TMPRSS15: variants seen among roughly 807,000 people sequenced by gnomAD.
TMPRSS15 encodes enteropeptidase.
TMPRSS15 carries 128 observed loss-of-function variants against 125.3 expected under a neutral mutation model. The ratio of observed to expected loss-of-function variants is 1.02; its 90% CI spans 0.89 to 1.18. The LOEUF (loss-of-function observed/expected upper bound fraction) is 1.18, where lower values mean the gene tolerates loss of function less well. TMPRSS15 is among the 50% of genes most tolerant of loss of function. The pLI is 0.00. For synonymous variants in TMPRSS15, 446 were observed against 423.2 expected (o/e 1.05, Z -0.66); for missense variants, 1,283 against 1,212.7 (o/e 1.06, Z -0.86).
At chr21:18,411,218 T>A (rs2076165150) in intron 1 of TMPRSS15, among the ~76,000 whole-genome samples, 1 of 152,122 alleles carries the variant, frequency 6.6e-6, no homozygotes, top group Non-Finnish European at 1.5e-5. Flanking sequence ...TACTAAAAAG[T>A]GTATTTGCCA....
At chr21:18,310,806 T>C (rs1045393653) in intron 18 of TMPRSS15, among the ~76,000 whole-genome samples, 32 of 152,098 alleles carry the variant, frequency 2.1e-4, no homozygotes, top group Admixed American at 1.8e-3. Context: ...CTACCAGATT[T>C]CAAAATATTC....
At chr21:18,281,006 G>A in intron 22 of TMPRSS15, 34 bp downstream of exon 22, 1 of 1,601,758 alleles carries the variant, frequency 6.2e-7, no homozygotes, top group Non-Finnish European at 8.5e-7. Flanking sequence ...AATTTTGGCA[G>A]ATAAGATGAC....
At chr21:18,433,264 G>T (rs1008438892) in intron 1 of TMPRSS15, among the ~76,000 whole-genome samples, 3 of 152,074 alleles carry the variant, frequency 2.0e-5, no homozygotes, top group Non-Finnish European at 4.4e-5. Flanking sequence ...TGACTGATGA[G>T]AATAACTCAG....
rs539658517 is a variant in TMPRSS15 at position 18,345,688 on chromosome 21, C to T, written c.1172-1628G>A. Among the ~76,000 whole-genome samples the T allele has an allele frequency of 3.0e-3, 362 of 121,920 alleles. 1 individual carries two copies. Among genetic ancestry groups the T allele is most frequent in the South Asian group, 0.02 (65 of 3,286 alleles). 80.0% of individuals were successfully genotyped at this position (121,920 alleles called of 152,430 possible). On this transcript the variant is annotated intron_variant, in intron 10 of 24. Coordinates refer to ENST00000284885, the MANE Select transcript of TMPRSS15 (RefSeq NM_002772.3). Reference sequence around the variant, plus strand: ...CCCGGGAGGTGGAGCTTGCAGTGAGCCGAGGTCGTGCCACTGCACTCCAGC... The same window carrying T: ...CCCGGGAGGTGGAGCTTGCAGTGAGTCGAGGTCGTGCCACTGCACTCCAGC...
chr21:18,280,596 C>CAAAA (rs1246672347), intron 22 of TMPRSS15, among the ~76,000 whole-genome samples: 1 of 102,146 alleles, frequency 9.8e-6, no homozygotes, highest in South Asian at 2.7e-4. Flanking sequence ...AAAAAAAAAA[C>CAAAA]AACAAAACAA....
At chr21:18,370,185 AG>A (rs1431720886) in intron 6 of TMPRSS15, among the ~76,000 whole-genome samples, 1 of 152,094 alleles carries the variant, frequency 6.6e-6, no homozygotes, top group East Asian at 1.9e-4. Flanking sequence ...CTGAGTTTAG[AG>A]TGGCTCATAA....
chr21:18,345,512 C>T (rs566587617), intron 10 of TMPRSS15, among the ~76,000 whole-genome samples: 11 of 151,412 alleles, frequency 7.3e-5, no homozygotes, highest in African/African-American at 1.9e-4. Flanking sequence ...GAGGCCGAGG[C>T]GGGCGGATCA....
rs2075035345 is a variant in TMPRSS15, at chr21:18,306,038, A to G, written c.2165+6907T>C. 1.3e-5 allele frequency among the ~76,000 whole-genome samples: 2 copies of G among 152,214 alleles called. 1 individual carries two copies. The highest frequency in any genetic ancestry group is 1.3e-4 in the Admixed American group (2 of 15,276). Reference sequence around the variant, plus strand: ...AGTACCTTCTGTGCTGAAGTTGCAAATCAAAAAATTTTAAAAATGTAAAAT... The same window carrying G: ...AGTACCTTCTGTGCTGAAGTTGCAAGTCAAAAAATTTTAAAAATGTAAAAT... On this transcript the variant is annotated intron_variant, in intron 18 of 24. Transcript: ENST00000284885.
chr21:18,472,368 G>T (rs1376204773), intron 1 of TMPRSS15, among the ~76,000 whole-genome samples: 1 of 151,212 alleles, frequency 6.6e-6, no homozygotes, highest in Non-Finnish European at 1.5e-5. Flanking sequence ...TTAGCCTATG[G>T]GGTTCAATTC....
chr21:18,447,047 A>AT (rs1425239335), intron 1 of TMPRSS15, among the ~76,000 whole-genome samples: 2 of 152,210 alleles, frequency 1.3e-5, no homozygotes, highest in African/African-American at 4.8e-5. Context: ...TCTAGGGGTT[A>AT]ATATACAGCA....
intron 8 of TMPRSS15, among the ~76,000 whole-genome samples, chr21:18,354,830 TA>T (rs905010799): frequency 6.6e-5 from 10 of 151,776 alleles, no homozygotes; most frequent in African/African-American, 2.4e-4. Context: ...TTCAGGCCTA[TA>T]AAAAATACCA....
intron 1 of TMPRSS15, among the ~76,000 whole-genome samples, chr21:18,470,748 TG>T (rs1182034084): frequency 6.6e-6 from 1 of 151,866 alleles, no homozygotes; most frequent in African/African-American, 2.4e-5. Flanking sequence ...TATGAAAAAA[TG>T]GGAGATAGAG....
intron 1 of TMPRSS15, among the ~76,000 whole-genome samples, chr21:18,413,284 C>CTTTCT (rs2076171062): frequency 9.8e-6 from 1 of 101,664 alleles, no homozygotes; most frequent in Non-Finnish European, 1.9e-5. Flanking sequence ...TTTTCTTTTT[C>CTTTCT]TTTCTTTCTT....
intron 1 of TMPRSS15, among the ~76,000 whole-genome samples, chr21:18,455,846 G>A (rs987898344): frequency 2.0e-5 from 3 of 152,126 alleles, no homozygotes; most frequent in African/African-American, 7.2e-5. Flanking sequence ...TTGCGAGGAT[G>A]AAACCAAATC....
At chr21:18,392,838 G>T (rs2076001886) in intron 3 of TMPRSS15, among the ~76,000 whole-genome samples, 1 of 152,194 alleles carries the variant, frequency 6.6e-6, no homozygotes, top group Non-Finnish European at 1.5e-5. Context: ...AGGAAAGAGA[G>T]AGAGTGGGGG....
chr21:18,367,005 T>A (rs988409833), intron 6 of TMPRSS15, among the ~76,000 whole-genome samples: 4 of 152,108 alleles, frequency 2.6e-5, no homozygotes, highest in African/African-American at 9.7e-5. Flanking sequence ...ATCATGTGTT[T>A]ATTGGGTTTT....
chr21:18,431,313 G>T (rs2076216133), intron 1 of TMPRSS15, among the ~76,000 whole-genome samples: 1 of 151,956 alleles, frequency 6.6e-6, no homozygotes, highest in Admixed American at 6.6e-5. Flanking sequence ...TTTTTCCTTT[G>T]TAATTGCTGT....
rs553611194 is a variant in TMPRSS15, at chr21:18,321,831, G to T, written c.1921+4601C>A. 5.3e-5 allele frequency among the ~76,000 whole-genome samples: 8 copies of T among 152,180 alleles called. 1 individual carries two copies. The South Asian group carries it at 1.7e-3, about 32-fold the overall frequency. ...TAAAAAATCTCGACGGAAGCAGACG[G>T]TGCTGATGAAAACTCAATCATTCCA... On this transcript the variant is annotated intron_variant, in intron 16 of 24. Transcript: ENST00000284885.
intron 1 of TMPRSS15, among the ~76,000 whole-genome samples, chr21:18,471,341 T>C (rs1978776666): frequency 1.3e-5 from 2 of 152,150 alleles, no homozygotes; most frequent in Non-Finnish European, 2.9e-5. Flanking sequence ...TAGCCATCAC[T>C]CTCTTGGTTA....
Sources: gnomAD v4.1 joint callset for allele counts (sites outside exome capture counted in the v4.1 genomes callset) on GRCh38, gnomAD v4.1.1 for gene constraint, MANE v1.5 for transcripts, NCBI Gene and HGNC (gene_info 2026-07-23, HGNC 2026-07-21) for gene names.